Variants in RNLS observed in about 807,000 individuals in gnomAD.
RNLS encodes the protein renalase.
Under a neutral mutation model 39.8 loss-of-function variants are expected in RNLS, and 39 were observed. That is an observed-to-expected ratio of 0.98 (90% CI 0.76 to 1.28). RNLS has a LOEUF of 1.28. Ranked by LOEUF, RNLS falls within the 50% of genes most tolerant of loss-of-function variation. RNLS has a pLI of 0.00. For synonymous variants in RNLS, 147 were observed against 150.7 expected, an observed-to-expected ratio of 0.98 and a Z score of 0.18; for missense variants, 410 against 413.3, an observed-to-expected ratio of 0.99 and a Z score of 0.07.
the RNLS span, among the ~76,000 whole-genome samples, chr10:88,203,360 ATG>A: frequency 1.2e-3 from 11 of 9,258 alleles, 4 homozygotes; most frequent in African/African-American, 8.6e-3. Context: ...ATATATACGT[ATG>A]TGTGTGTATA....
chr10:88,380,102 T>TA (rs1264012435), intron 4 of RNLS, among the ~76,000 whole-genome samples: 3 of 152,168 alleles, frequency 2.0e-5, no homozygotes, highest in African/African-American at 7.2e-5. Flanking sequence ...CACATTGCAA[T>TA]AAAAAATTGC....
At chr10:88,193,405 C>T in the RNLS span, among the ~76,000 whole-genome samples, 1 of 152,038 alleles carries the variant, frequency 6.6e-6, no homozygotes, top group African/African-American at 2.4e-5. Flanking sequence ...CAGAACCTTC[C>T]CAAACGGGGT....
the RNLS span, among the ~76,000 whole-genome samples, chr10:88,207,780 T>C: frequency 6.6e-6 from 1 of 152,084 alleles, no homozygotes; most frequent in Non-Finnish European, 1.5e-5. Context: ...CCTGTTTGCT[T>C]TACCAGGGCC....
At chr10:88,195,300 A>T in the RNLS span, among the ~76,000 whole-genome samples, 9 of 152,334 alleles carry the variant, frequency 5.9e-5, no homozygotes, top group East Asian at 1.5e-3. Context: ...TCTTTTTATA[A>T]GCAAAGCTCA....
the RNLS span, among the ~76,000 whole-genome samples, chr10:88,189,437 A>G: frequency 6.6e-6 from 1 of 152,238 alleles, no homozygotes; most frequent in African/African-American, 2.4e-5. Flanking sequence ...TGCTATATAG[A>G]AAACTTATCG....
intron 4 of RNLS, among the ~76,000 whole-genome samples, chr10:88,412,061 A>AT (rs1853689745): frequency 2.0e-5 from 3 of 152,148 alleles, no homozygotes; most frequent in Admixed American, 6.5e-5. Flanking sequence ...CCACTGATGA[A>AT]TTTTAAGAAG....
intron 5 of RNLS, among the ~76,000 whole-genome samples, chr10:88,361,306 C>T (rs747655373): frequency 6.6e-6 from 1 of 152,170 alleles, no homozygotes; most frequent in South Asian, 2.1e-4. Flanking sequence ...ACAATTCAGT[C>T]CATAGCAGAT....
chr10:88,496,402 T>C lies in RNLS; in HGVS notation c.526+76501A>G, dbSNP rs999564566. 2.0e-5 allele frequency among the ~76,000 whole-genome samples: 3 copies of C among 152,258 alleles called. No individual in the cohort carries two copies. The South Asian group carries it at 6.2e-4, about 32-fold the overall frequency. On this transcript the variant is annotated intron_variant, in intron 4 of 6. Coordinates refer to ENST00000331772, the MANE Select transcript of RNLS (RefSeq NM_001031709.3). The stretch of plus-strand genomic sequence containing the variant: ...CCCAGTGCACGCTTCAGGAATGCCA[T>C]AGCAGAAGGAAGAAGCAGTGGCCTG...
At chr10:88,289,768 C>A (rs986255933) in intron 6 of RNLS, among the ~76,000 whole-genome samples, 13 of 152,126 alleles carry the variant, frequency 8.5e-5, no homozygotes, top group African/African-American at 3.1e-4. Flanking sequence ...AGAAAACCTA[C>A]ACAAAAAGTA....
chr10:88,565,714 A>C (rs943126097), intron 4 of RNLS, among the ~76,000 whole-genome samples: 1 of 151,054 alleles, frequency 6.6e-6, no homozygotes, highest in Non-Finnish European at 1.5e-5. Context: ...TCAGCATGAT[A>C]CATTTTTTTA....
the RNLS span, among the ~76,000 whole-genome samples, chr10:88,238,773 T>G: frequency 6.6e-6 from 1 of 152,272 alleles, no homozygotes; most frequent in African/African-American, 2.4e-5. Context: ...AGGAAGATAT[T>G]TGGAAATATT....
At chr10:88,180,110 A>G in the RNLS span, among the ~76,000 whole-genome samples, 4 of 152,230 alleles carry the variant, frequency 2.6e-5, no homozygotes, top group Admixed American at 1.3e-4. Flanking sequence ...CTGGAGTTGC[A>G]CTAGCTGTCT....
chr10:88,365,323 T>C (rs1849979202), intron 4 of RNLS, among the ~76,000 whole-genome samples: 1 of 152,052 alleles, frequency 6.6e-6, no homozygotes, highest in Non-Finnish European at 1.5e-5. Flanking sequence ...AAAAAGTTTC[T>C]AGTGCAAAAT....
chr10:88,260,798 A>G, the RNLS span, among the ~76,000 whole-genome samples: 1 of 152,230 alleles, frequency 6.6e-6, no homozygotes, highest in South Asian at 2.1e-4. Context: ...CCACACAAAC[A>G]TTTGTGTTTG....
In RNLS at chr10:88,314,661, T is replaced by G. The variant is rs1210439906; in HGVS notation, c.701-20A>C. 3.1e-6 allele frequency: 5 copies of G among 1,604,560 alleles called. No individual in the cohort carries two copies. Among genetic ancestry groups the G allele is most frequent in the Non-Finnish European group, 4.3e-6 (5 of 1,174,248 alleles). ...ATGACTCTGTGGCATAAGAGGATCA[T>G]AAAGATGCATCTTAAAGTGGGTAGC... On this transcript the variant is annotated intron_variant, in intron 5 of 6. Coordinates refer to ENST00000331772, the MANE Select transcript of RNLS (RefSeq NM_001031709.3).
the RNLS span, among the ~76,000 whole-genome samples, chr10:88,213,137 C>T: frequency 5.9e-5 from 9 of 152,240 alleles, no homozygotes; most frequent in South Asian, 4.1e-4. Context: ...GATTCTTCTG[C>T]GCTGGCTTTA....
intron 4 of RNLS, among the ~76,000 whole-genome samples, chr10:88,524,956 C>CACACACACATATAT (rs768939981): frequency 1.4e-4 from 11 of 76,290 alleles, no homozygotes; most frequent in African/African-American, 4.1e-4. Context: ...ATGGCACACA[C>CACACACACATATAT]ATACATATAT....
chr10:88,523,895 A>T (rs530913658), intron 4 of RNLS, among the ~76,000 whole-genome samples: 2 of 152,248 alleles, frequency 1.3e-5, no homozygotes, highest in South Asian at 4.1e-4. Context: ...ACCTCTGCCG[A>T]CCTACATCTT....
At chr10:88,572,126 G>A (rs918416997) in intron 4 of RNLS, among the ~76,000 whole-genome samples, 1 of 152,090 alleles carries the variant, frequency 6.6e-6, no homozygotes, top group Non-Finnish European at 1.5e-5. Flanking sequence ...CCACCTCTGA[G>A]AGTAAATAGC....
Sources: allele counts gnomAD v4.1 joint callset (sites outside exome capture counted in the v4.1 genomes callset), GRCh38; gene constraint gnomAD v4.1.1; transcripts MANE v1.5; gene names NCBI Gene and HGNC (gene_info 2026-07-23, HGNC 2026-07-21).